The following SWAP70 variants were observed in gnomAD, a reference collection of about 807,000 sequenced individuals.
The protein encoded by SWAP70 is switching B cell complex subunit SWAP70, also known as switch-associated protein 70.
Under a neutral mutation model 80.2 loss-of-function variants are expected in SWAP70, and 34 were observed. The observed-to-expected ratio is 0.42, with a 90% confidence interval of 0.32 to 0.56. The LOEUF (loss-of-function observed/expected upper bound fraction) is 0.56, where lower values mean the gene tolerates loss of function less well. Ranked by LOEUF, SWAP70 falls within the 20% of genes least tolerant of loss-of-function variation. SWAP70 has a pLI of 0.09. For synonymous variants in SWAP70, 239 were observed against 238.5 expected, an observed-to-expected ratio of 1.00 and a Z score of -0.02; for missense variants, 578 against 690.7, an observed-to-expected ratio of 0.84 and a Z score of 1.83.
At chr11:9,745,805 A>G (rs141626565) in intron 9 of SWAP70, among the ~76,000 whole-genome samples, 3 of 152,374 alleles carry the variant, frequency 2.0e-5, no homozygotes, top group Non-Finnish European at 2.9e-5. Context: ...GTCTTTAGTC[A>G]GGAGTCTTAC....
intron 1 of SWAP70, among the ~76,000 whole-genome samples, chr11:9,671,830 TAATAA>T (rs1460528185): frequency 2.3e-4 from 22 of 96,288 alleles, no homozygotes; most frequent in African/African-American, 9.2e-4. Flanking sequence ...ATATATAATA[TAATAA>T]TATATAATAT....
Position 9,713,481 on chromosome 11 carries a change from G to A in SWAP70, c.256G>A (p.Asp86Asn), listed in dbSNP as rs1851025666. ...FILEKVQDNF[D>N]KIEFNRMCWT... The stretch of plus-strand genomic sequence containing the variant: ...TCCTTTTTAGGTCCAAGACAACTTT[G>A]ACAAGATTGAATTCAATAGGATGTG... Residue 86 changes from aspartate (D) to asparagine (N), a missense_variant, in exon 3 of 12, where the codon GAC (aspartate) becomes AAC (asparagine). Physicochemically the swap from Asp to Asn is conservative, Grantham distance 23. Coordinates refer to ENST00000318950, the MANE Select transcript of SWAP70 (RefSeq NM_015055.4). 1.2e-6 allele frequency: 2 copies of A among 1,611,512 alleles called. No individual in the cohort carries two copies. Among genetic ancestry groups the A allele is most frequent in the Non-Finnish European group, 8.5e-7 (1 of 1,179,108 alleles).
chr11:9,674,269 G>A (rs1029579891), intron 1 of SWAP70, among the ~76,000 whole-genome samples: 1 of 152,104 alleles, frequency 6.6e-6, no homozygotes. Context: ...GGGCTATGGC[G>A]TTATGAGCCA....
At chr11:9,743,074 G>T (rs1333271627) in intron 9 of SWAP70, among the ~76,000 whole-genome samples, 1 of 108,856 alleles carries the variant, frequency 9.2e-6, no homozygotes, top group Non-Finnish European at 1.8e-5. Flanking sequence ...AACAGGCCCC[G>T]GTGTGTGATG....
intron 1 of SWAP70, among the ~76,000 whole-genome samples, chr11:9,671,717 T>TAA (rs1565109791): frequency 3.9e-4 from 40 of 102,998 alleles, no homozygotes; most frequent in Non-Finnish European, 3.6e-4. Context: ...CATAGAAATA[T>TAA]ATAAATATAT....
chr11:9,725,551 ATATATATATATATATATATT>A (rs1279328285), intron 4 of SWAP70, among the ~76,000 whole-genome samples: 8 of 55,184 alleles, frequency 1.4e-4, no homozygotes, highest in Admixed American at 2.5e-4. Flanking sequence ...ATATATATAT[ATATATATATATATATATATT>A]TTTTTTTTTT....
chr11:9,713,647 G>A lies in SWAP70; in HGVS notation c.414+8G>A, dbSNP rs1360940840. 5.4e-5 allele frequency: 86 copies of A among 1,602,988 alleles called. No homozygotes were observed. The highest frequency in any genetic ancestry group is 7.0e-5 in the Non-Finnish European group (82 of 1,175,838). ...ATTATTGTGTCAGAAGAGGTAAGGT[G>A]TGGCTTGGGGAGTTTTTACTTGGTC... On this transcript the variant is annotated splice_region_variant and intron_variant, in intron 3 of 11. Transcript: ENST00000318950.
intron 2 of SWAP70, among the ~76,000 whole-genome samples, chr11:9,698,730 C>G (rs1479103126): frequency 6.6e-6 from 1 of 152,036 alleles, no homozygotes; most frequent in Non-Finnish European, 1.5e-5. Context: ...AAAGAATTTC[C>G]TTTTCAGAGA....
intron 9 of SWAP70, among the ~76,000 whole-genome samples, chr11:9,743,848 T>G (rs1363007210): frequency 6.6e-6 from 1 of 152,198 alleles, no homozygotes; most frequent in Admixed American, 6.5e-5. Flanking sequence ...TAATGGATAG[T>G]TCTTTCTCTG....
intron 6 of SWAP70, among the ~76,000 whole-genome samples, chr11:9,730,469 A>G (rs1406200317): frequency 6.6e-6 from 1 of 152,070 alleles, no homozygotes; most frequent in Admixed American, 6.5e-5. Context: ...ACTGAATAGT[A>G]TTCCAAGGTA....
In SWAP70 at chr11:9,692,460, G is replaced by GT. The variant is rs1279599113; in HGVS notation, c.100-1679dup. Among the ~76,000 whole-genome samples the GT allele has an allele frequency of 5.3e-5, 8 of 151,194 alleles. No homozygotes were observed. In the South Asian group the frequency reaches 8.3e-4, roughly 16 times the overall value. On this transcript the variant is annotated intron_variant, in intron 1 of 11. Coordinates refer to ENST00000318950, the MANE Select transcript of SWAP70 (RefSeq NM_015055.4). ...TGGCATACATATTCTTAGGTACCTT[G>GT]TTTTTTTCACTTAATTTATGTTGGA... is the stretch of plus-strand genomic sequence containing the variant.
At chr11:9,681,184 A>G (rs1267109866) in intron 1 of SWAP70, 1 of 152,274 alleles carries the variant, frequency 6.6e-6, no homozygotes. Flanking sequence ...AATGGGGCAG[A>G]TCTTGTCCAG....
intron 2 of SWAP70, chr11:9,703,360 T>C (rs1174517267): frequency 2.2e-6 from 1 of 456,314 alleles, no homozygotes; most frequent in Non-Finnish European, 4.4e-6. Flanking sequence ...TTGTTCACTT[T>C]AGTGCAATCA....
At chr11:9,696,578 G>T (rs1277834079) in intron 2 of SWAP70, among the ~76,000 whole-genome samples, 1 of 151,754 alleles carries the variant, frequency 6.6e-6, no homozygotes, top group African/African-American at 2.4e-5. Context: ...ACATGAATAG[G>T]ATCATATTAT....
intron 9 of SWAP70, among the ~76,000 whole-genome samples, chr11:9,743,169 G>A (rs1181381823): frequency 6.7e-6 from 1 of 148,186 alleles, no homozygotes; most frequent in Non-Finnish European, 1.5e-5. Flanking sequence ...TTGTTCTTGC[G>A]ATAGTTTACT....
intron 2 of SWAP70, among the ~76,000 whole-genome samples, chr11:9,701,945 G>A (rs1850838714): frequency 6.6e-6 from 1 of 152,050 alleles, no homozygotes; most frequent in South Asian, 2.1e-4. Flanking sequence ...TGGGCTATAT[G>A]ATTAAAATCA....
chr11:9,664,318 C>A, intron 1 of SWAP70, 40 bp downstream of exon 1: 1 of 1,538,636 alleles, frequency 6.5e-7, no homozygotes, highest in Non-Finnish European at 8.8e-7. Context: ...CGACCCTCCC[C>A]GGCGCGCTCT....
At chr11:9,724,394 T>C (rs937221358) in intron 3 of SWAP70, among the ~76,000 whole-genome samples, 2 of 152,214 alleles carry the variant, frequency 1.3e-5, no homozygotes, top group African/African-American at 4.8e-5. Context: ...ATATCTGCAG[T>C]TTGTTTTAGT....
intron 6 of SWAP70, 98 bp downstream of exon 6, chr11:9,729,549 A>G (rs1393089059): frequency 5.9e-6 from 5 of 841,460 alleles, no homozygotes; most frequent in Non-Finnish European, 5.8e-6. Flanking sequence ...CCCGGGCTGT[A>G]GTGCAGTGGT....
Sources: gnomAD v4.1 joint callset for allele counts (sites outside exome capture counted in the v4.1 genomes callset) on GRCh38, gnomAD v4.1.1 for gene constraint, MANE v1.5 for transcripts, NCBI Gene and HGNC (gene_info 2026-07-23, HGNC 2026-07-21) for gene names.